The following CDH13 variants were observed in gnomAD, a reference collection of about 807,000 sequenced individuals.
CDH13 encodes cadherin 13.
A neutral mutation model predicts 63.8 loss-of-function variants in CDH13; 24 were observed. The ratio of observed to expected loss-of-function variants is 0.38; its 90% CI spans 0.27 to 0.53. CDH13 has a LOEUF of 0.53. Ranked by LOEUF, CDH13 falls within the 20% of genes least tolerant of loss-of-function variation. CDH13 has a pLI of 0.85. For synonymous variants in CDH13, 503 were observed against 355.3 expected, an observed-to-expected ratio of 1.42 and a Z score of -4.67; for missense variants, 1,049 against 903.1, an observed-to-expected ratio of 1.16 and a Z score of -2.07.
intron 6 of CDH13, among the ~76,000 whole-genome samples, chr16:83,373,883 C>G (rs2091416294): frequency 6.6e-6 from 1 of 152,122 alleles, no homozygotes; most frequent in African/African-American, 2.4e-5. Context: ...ACAGAGACCA[C>G]CAGCATGGGA....
At chr16:83,114,506 C>T (rs2035207902) in intron 3 of CDH13, among the ~76,000 whole-genome samples, 1 of 152,296 alleles carries the variant, frequency 6.6e-6, no homozygotes, top group East Asian at 1.9e-4. Flanking sequence ...AAAATGACTT[C>T]CCTCACACCC....
intron 1 of CDH13, among the ~76,000 whole-genome samples, chr16:82,708,747 G>C (rs76834023): frequency 1.3e-5 from 2 of 152,138 alleles, no homozygotes; most frequent in Non-Finnish European, 2.9e-5. Context: ...ATCAGATGAC[G>C]CTGGGCAAAT....
chr16:83,168,605 ATT>A (rs199844726), intron 4 of CDH13, among the ~76,000 whole-genome samples: 1 of 151,590 alleles, frequency 6.6e-6, no homozygotes, highest in African/African-American at 2.4e-5. Flanking sequence ...AGTAAAATAA[ATT>A]TTAAAAAAAA....
At chr16:83,057,599 A>C (rs957203497) in intron 3 of CDH13, among the ~76,000 whole-genome samples, 1 of 152,088 alleles carries the variant, frequency 6.6e-6, no homozygotes, top group African/African-American at 2.4e-5. Context: ...TAAAAAAAAA[A>C]AAAGGCTCAC....
At chr16:83,328,710 G>A (rs11864731) in intron 5 of CDH13, among the ~76,000 whole-genome samples, 59,770 of 151,978 alleles carry the variant, frequency 0.39, 12,193 homozygotes, top group Admixed American at 0.46. Flanking sequence ...GAGTGGATGT[G>A]TATAAGGAGC....
chr16:83,543,104 C>T lies in CDH13; in HGVS notation c.960+56449C>T, dbSNP rs574415983. On this transcript the variant is annotated intron_variant, in intron 7 of 13. Coordinates refer to ENST00000567109, the MANE Select transcript of CDH13 (RefSeq NM_001257.5). The stretch of plus-strand genomic sequence containing the variant: ...ACATCCTACCCAGAGTGTAGCTTGG[C>T]GCTTGGCACATCGTATGTTTTAAGT... Among the ~76,000 whole-genome samples, 29 of 152,266 alleles carry T rather than the reference C, an allele frequency of 1.9e-4. No homozygotes were observed. In the South Asian group the frequency reaches 4.8e-3, roughly 25 times the overall value.
At chr16:83,781,183 C>G (rs1048592105) in intron 12 of CDH13, among the ~76,000 whole-genome samples, 3 of 152,110 alleles carry the variant, frequency 2.0e-5, no homozygotes, top group South Asian at 2.1e-4. Flanking sequence ...AAACTTAACC[C>G]AACTTCTATC....
chr16:82,988,434 G>T (rs993534650), intron 2 of CDH13, among the ~76,000 whole-genome samples: 1 of 152,050 alleles, frequency 6.6e-6, no homozygotes, highest in Non-Finnish European at 1.5e-5. Context: ...GTTGAAGAAC[G>T]TGGAAGCTTC....
At chr16:82,988,935 C>T (rs758980862) in intron 2 of CDH13, among the ~76,000 whole-genome samples, 2 of 152,128 alleles carry the variant, frequency 1.3e-5, no homozygotes, top group Non-Finnish European at 2.9e-5. Context: ...TCCTTGAAGA[C>T]TCCATTGTCT....
chr16:82,672,735 C>T (rs1296093576), intron 1 of CDH13, among the ~76,000 whole-genome samples: 3 of 151,382 alleles, frequency 2.0e-5, no homozygotes, highest in Non-Finnish European at 2.9e-5. Context: ...GTGGGGATCT[C>T]ATGTTTCCTT....
intron 2 of CDH13, among the ~76,000 whole-genome samples, chr16:82,915,401 G>C (rs904000306): frequency 6.6e-6 from 1 of 152,160 alleles, no homozygotes; most frequent in Non-Finnish European, 1.5e-5. Flanking sequence ...TTTTGGAAAT[G>C]GTTTTGTAAA....
chr16:82,791,890 C>T (rs1476529389), intron 1 of CDH13, among the ~76,000 whole-genome samples: 1 of 152,202 alleles, frequency 6.6e-6, no homozygotes, highest in Non-Finnish European at 1.5e-5. Flanking sequence ...AGGCCAAGAT[C>T]CCCAGGTCAG....
intron 6 of CDH13, among the ~76,000 whole-genome samples, chr16:83,367,504 A>T (rs761952350): frequency 6.6e-6 from 1 of 152,148 alleles, no homozygotes; most frequent in Non-Finnish European, 1.5e-5. Context: ...TTTCTTAAGT[A>T]TATATCTGGG....
intron 3 of CDH13, among the ~76,000 whole-genome samples, chr16:83,079,595 A>G (rs1183908130): frequency 6.6e-6 from 1 of 152,238 alleles, no homozygotes; most frequent in East Asian, 1.9e-4. Context: ...AATTAACTCA[A>G]ATTAGGTGCT....
rs75808045 is a variant in CDH13, at chr16:83,278,683, G to A, written c.636+61186G>A. On this transcript the variant is annotated intron_variant, in intron 5 of 13. Coordinates refer to ENST00000567109, the MANE Select transcript of CDH13 (RefSeq NM_001257.5). ...TGCCGGTTGAGGTGGCATTATTCCAGGGTAGTCTTTCATATGTCAGCAGAG... is the reference window on the plus strand; with the variant it reads ...TGCCGGTTGAGGTGGCATTATTCCAAGGTAGTCTTTCATATGTCAGCAGAG... 5.7e-3 allele frequency among the ~76,000 whole-genome samples: 871 copies of A among 152,302 alleles called. 6 individuals are homozygous for A. Among genetic ancestry groups the A allele is most frequent in the African/African-American group, 0.016 (656 of 41,564 alleles).
At chr16:83,666,231 A>G (rs1234090634) in intron 8 of CDH13, among the ~76,000 whole-genome samples, 1 of 152,178 alleles carries the variant, frequency 6.6e-6, no homozygotes, top group Non-Finnish European at 1.5e-5. Flanking sequence ...AAATGGTACC[A>G]TTTCATTTTA....
intron 2 of CDH13, among the ~76,000 whole-genome samples, chr16:83,000,574 CTTT>C (rs561787532): frequency 3.1e-5 from 4 of 127,736 alleles, no homozygotes; most frequent in Admixed American, 8.1e-5. Flanking sequence ...TTTCTTTTCT[CTTT>C]TTTTTTTTTT....
intron 7 of CDH13, among the ~76,000 whole-genome samples, chr16:83,512,087 C>G (rs1351754169): frequency 6.6e-6 from 1 of 151,838 alleles, no homozygotes; most frequent in African/African-American, 2.4e-5. Context: ...TTTGGGAGGC[C>G]GAGGCGGGCG....
chr16:83,155,542 C>T (rs963008758), intron 4 of CDH13, among the ~76,000 whole-genome samples: 1 of 152,132 alleles, frequency 6.6e-6, no homozygotes, highest in African/African-American at 2.4e-5. Context: ...AGCTCTCCTC[C>T]TGCTCTTTCC....
Sources: allele counts gnomAD v4.1 joint callset (sites outside exome capture counted in the v4.1 genomes callset), GRCh38; gene constraint gnomAD v4.1.1; transcripts MANE v1.5; gene names NCBI Gene and HGNC (gene_info 2026-07-23, HGNC 2026-07-21).